PCCB: variants seen among roughly 807,000 people sequenced by gnomAD.
The protein encoded by PCCB is propionyl-CoA carboxylase subunit beta, also known as propionyl-CoA carboxylase beta chain, mitochondrial.
PCCB carries 43 observed loss-of-function variants against 60.7 expected under a neutral mutation model. The ratio of observed to expected loss-of-function variants is 0.71; its 90% CI spans 0.55 to 0.91. PCCB has a LOEUF of 0.91. PCCB is among the 40% of genes least tolerant of loss of function. The pLI, the probability that PCCB is intolerant of heterozygous loss-of-function variation, is 0.00. For synonymous variants in PCCB, 276 were observed against 255.9 expected (o/e 1.08, Z -0.75); for missense variants, 766 against 702.8 (o/e 1.09, Z -1.02).
chr3:136,297,547 C>T (rs1226288301), intron 7 of PCCB, among the ~76,000 whole-genome samples: 1 of 152,050 alleles, frequency 6.6e-6, no homozygotes, highest in Non-Finnish European at 1.5e-5. Flanking sequence ...CTGATCTTAC[C>T]CTGTTGGAGC....
intron 9 of PCCB, among the ~76,000 whole-genome samples, chr3:136,311,799 A>G (rs893592401): frequency 6.6e-6 from 1 of 152,178 alleles, no homozygotes; most frequent in African/African-American, 2.4e-5. Context: ...GTCTGTACAA[A>G]ACAAAACATT....
intron 5 of PCCB, among the ~76,000 whole-genome samples, chr3:136,263,410 C>T (rs1490463004): frequency 6.6e-6 from 1 of 151,952 alleles, no homozygotes; most frequent in Non-Finnish European, 1.5e-5. Flanking sequence ...GCACCACAGG[C>T]ATGCACCACC....
chr3:136,255,308 C>A, intron 1 of PCCB: 3 of 172,526 alleles, frequency 1.7e-5, no homozygotes, highest in Admixed American at 5.6e-5. Flanking sequence ...GGTCCCTAAA[C>A]AGGGGATAGG....
In PCCB at chr3:136,307,140, C is replaced by G. The variant is rs574249845; in HGVS notation, c.966+6029C>G. On this transcript the variant is annotated intron_variant, in intron 9 of 14. Transcript: ENST00000251654. ...GGATTTTATGTTTAGCAAAGCTCAC[C>G]TTCATGTATTAAGACTGCAGAAAAC... 1.1e-4 allele frequency among the ~76,000 whole-genome samples: 14 copies of G among 122,256 alleles called. 7 individuals carry two copies. In the East Asian group the frequency reaches 8.4e-3, roughly 73 times the overall value. 80.2% of individuals were successfully genotyped at this position (122,256 alleles called of 152,430 possible).
chr3:136,265,308 GT>G (rs1273132355), intron 5 of PCCB, among the ~76,000 whole-genome samples: 2 of 152,146 alleles, frequency 1.3e-5, no homozygotes, highest in African/African-American at 2.4e-5. Flanking sequence ...CCATAATCTA[GT>G]TTTCAAACCT....
At chr3:136,321,851 G>T (rs1935121006) in intron 10 of PCCB, among the ~76,000 whole-genome samples, 1 of 152,190 alleles carries the variant, frequency 6.6e-6, no homozygotes, top group African/African-American at 2.4e-5. Context: ...CTGCAACCTT[G>T]CTATATTATT....
At chr3:136,326,275 A>G in intron 10 of PCCB, 1 of 698,858 alleles carries the variant, frequency 1.4e-6, no homozygotes, top group Non-Finnish European at 2.6e-6. Flanking sequence ...AAACTCTTCT[A>G]GGAGGGGAGA....
rs1435839672 is a variant in PCCB, at chr3:136,255,919, G to A, written c.247G>A (p.Asp83Asn). The stretch of plus-strand genomic sequence containing the variant: ...GGACCCTGGCAGCTTTGTTGAGAGC[G>A]ACATGTTTGTGGAACACAGATGTGC... ...LLDPGSFVES[D>N]MFVEHRCADF... The change falls in exon 2 of 15, where the codon GAC becomes AAC. Residue 83 changes from aspartate (D) to asparagine (N), a missense_variant. By Grantham distance (23) the Asp-to-Asn change is conservative. Coordinates refer to ENST00000251654, the MANE Select transcript of PCCB (RefSeq NM_000532.5). The A allele has an allele frequency of 3.1e-6, 5 of 1,614,160 alleles. No individual in the cohort carries two copies. The highest frequency in any genetic ancestry group is 3.3e-4 in the Middle Eastern group (2 of 6,060).
rs910882737 is a variant in PCCB at position 136,255,776 on chromosome 3, A to G, written c.184-80A>G. The G allele has an allele frequency of 3.1e-6, 4 of 1,295,376 alleles. No homozygotes were observed. In the East Asian group the frequency reaches 9.2e-5, roughly 30 times the overall value. 80.2% of individuals were successfully genotyped at this position (1,295,376 alleles called of 1,614,324 possible). On this transcript the variant is annotated intron_variant, in intron 1 of 14. Coordinates refer to ENST00000251654, the MANE Select transcript of PCCB (RefSeq NM_000532.5). ...GATCAACGGGCAAATCTGCCCTTCAAGCCCTCCCATGAACAGCCCTTGCTT... is the reference window on the plus strand; with the variant it reads ...GATCAACGGGCAAATCTGCCCTTCAGGCCCTCCCATGAACAGCCCTTGCTT...
chr3:136,270,969 C>G lies in PCCB; in HGVS notation c.543+8904C>G, dbSNP rs148096892. On this transcript the variant is annotated intron_variant, in intron 5 of 14. Coordinates refer to ENST00000251654, the MANE Select transcript of PCCB (RefSeq NM_000532.5). ...AATGTCTATTCATGTCCTTTGCCTA[C>G]TTTTTGATGGGATTATTTTTTCTTG... 1.8e-3 allele frequency among the ~76,000 whole-genome samples: 278 copies of G among 152,226 alleles called. 1 individual carries two copies. Among genetic ancestry groups the G allele is most frequent in the African/African-American group, 6.3e-3 (263 of 41,556 alleles).
At chr3:136,290,722 T>C (rs997756889) in intron 6 of PCCB, among the ~76,000 whole-genome samples, 4 of 143,636 alleles carry the variant, frequency 2.8e-5, no homozygotes, top group African/African-American at 1.0e-4. Context: ...TCTGAGTTTA[T>C]TGGATCTGTG....
At chr3:136,281,507 A>G (rs74934894) in intron 5 of PCCB, among the ~76,000 whole-genome samples, 3,715 of 151,904 alleles carry the variant, frequency 0.024, 111 homozygotes, top group East Asian at 0.12. Context: ...TCAGACATTG[A>G]TTTCCTGATT....
chr3:136,253,310 C>T (rs1028654746), intron 1 of PCCB, among the ~76,000 whole-genome samples: 2 of 151,606 alleles, frequency 1.3e-5, no homozygotes, highest in Admixed American at 1.3e-4. Context: ...AGGATGGTCT[C>T]GATCTCCTGA....
chr3:136,264,076 G>A (rs1317237102), intron 5 of PCCB, among the ~76,000 whole-genome samples: 1 of 151,274 alleles, frequency 6.6e-6, no homozygotes, highest in Non-Finnish European at 1.5e-5. Context: ...ACTCCTATAT[G>A]TCCTTTTCCC....
chr3:136,266,064 A>T (rs1401474447), intron 5 of PCCB, among the ~76,000 whole-genome samples: 1 of 150,576 alleles, frequency 6.6e-6, no homozygotes, highest in Non-Finnish European at 1.5e-5. Context: ...TGACCTCGTG[A>T]TCTGCCCACC....
rs61160895 is a variant in PCCB, at chr3:136,268,087, G to GATATAT, written c.543+6051_543+6056dup. 5.4e-3 allele frequency among the ~76,000 whole-genome samples: 507 copies of GATATAT among 93,606 alleles called. 5 individuals carry two copies. Among genetic ancestry groups the GATATAT allele is most frequent in the African/African-American group, 0.017 (358 of 21,616 alleles). 61.4% of individuals were successfully genotyped at this position (93,606 alleles called of 152,430 possible). A position where few individuals can be genotyped will look rare whatever the true frequency, so the allele number is the denominator to read the frequency against. ...GTGCGTGTGTGTGTGTGTGTGTGTA[G>GATATAT]ATATATATATATATATATATATATA... On this transcript the variant is annotated intron_variant, in intron 5 of 14. Transcript: ENST00000251654.
chr3:136,306,425 A>G lies in PCCB; in HGVS notation c.966+5314A>G, dbSNP rs1934452075. Among the ~76,000 whole-genome samples, 6 of 122,532 alleles carry G rather than the reference A, an allele frequency of 4.9e-5. 1 individual carries two copies. The Admixed American group carries it at 5.8e-4, about 12-fold the overall frequency. 80.4% of individuals were successfully genotyped at this position (122,532 alleles called of 152,430 possible). On this transcript the variant is annotated intron_variant, in intron 9 of 14. Coordinates refer to ENST00000251654, the MANE Select transcript of PCCB (RefSeq NM_000532.5). ...ATCAAAATTGCAAGGTGCTCAAAGG[A>G]GAATGTATTTCAATGAAAATTTAAT...
Position 136,329,985 on chromosome 3 carries a change from G to C in PCCB, c.1579G>C (p.Val527Leu). The C allele has an allele frequency of 6.2e-7, 1 of 1,614,164 alleles. No individual in the cohort carries two copies. Among genetic ancestry groups the C allele is most frequent in the East Asian group, 2.2e-5 (1 of 44,874 alleles). ...CCTGGATGTCTTGGCCAGCAAGAAGGTACAACGTCCTTGGAGAAAACATGC... is the reference window on the plus strand; with the variant it reads ...CCTGGATGTCTTGGCCAGCAAGAAGCTACAACGTCCTTGGAGAAAACATGC... ...CDLDVLASKK[V>L]QRPWRKHANI... is the part of the protein sequence containing the mutation. The change falls in exon 15 of 15, where the codon GTA becomes CTA. Residue 527 changes from valine to leucine, a missense_variant. Physicochemically the swap from Val to Leu is conservative, Grantham distance 32. Transcript: ENST00000251654.
intron 8 of PCCB, among the ~76,000 whole-genome samples, chr3:136,300,159 T>G (rs1307012019): frequency 7.5e-6 from 1 of 133,178 alleles, no homozygotes; most frequent in African/African-American, 3.2e-5. Flanking sequence ...CACATACATA[T>G]ATACACATAT....
Sources: allele counts gnomAD v4.1 joint callset (sites outside exome capture counted in the v4.1 genomes callset), GRCh38; gene constraint gnomAD v4.1.1; transcripts MANE v1.5; gene names NCBI Gene and HGNC (gene_info 2026-07-23, HGNC 2026-07-21).